Variants in RGS6 observed in about 807,000 individuals in gnomAD.
RGS6 encodes regulator of G protein signaling 6, also known as regulator of G-protein signaling 6.
RGS6 carries 30 observed loss-of-function variants against 78.5 expected under a neutral mutation model. The ratio of observed to expected loss-of-function variants is 0.38; its 90% CI spans 0.29 to 0.52. RGS6 has a LOEUF of 0.52. RGS6 is among the 20% of genes least tolerant of loss of function. RGS6 has a pLI of 0.85. For missense variants in RGS6, 495 were observed against 609.7 expected, an observed-to-expected ratio of 0.81 and a Z score of 1.98; for synonymous variants, 206 against 206.0, an observed-to-expected ratio of 1.00 and a Z score of 0.00.
the RGS6 span, among the ~76,000 whole-genome samples, chr14:71,921,651 G>A: frequency 2.6e-5 from 4 of 152,226 alleles, no homozygotes; most frequent in Non-Finnish European, 5.9e-5. Context: ...TGTGGGATCT[G>A]AAAAAGTCAG....
intron 3 of RGS6, among the ~76,000 whole-genome samples, chr14:72,407,218 G>T (rs1218773650): frequency 1.3e-5 from 2 of 152,176 alleles, no homozygotes; most frequent in Non-Finnish European, 2.9e-5. Context: ...GGGAGGATCT[G>T]CATTCTCTCT....
intron 2 of RGS6, among the ~76,000 whole-genome samples, chr14:71,982,614 A>T (rs2153135129): frequency 6.6e-6 from 1 of 152,120 alleles, no homozygotes; most frequent in South Asian, 2.1e-4. Context: ...CTGACCTCTA[A>T]TTTTTGTCCT....
chr14:72,394,706 A>G (rs1471809364), intron 3 of RGS6, among the ~76,000 whole-genome samples: 2 of 152,088 alleles, frequency 1.3e-5, no homozygotes, highest in South Asian at 2.1e-4. Context: ...CAGATTTCCT[A>G]TTGTTTAAAC....
chr14:71,976,222 C>CT (rs1274389669), intron 2 of RGS6, among the ~76,000 whole-genome samples: 2,553 of 139,222 alleles, frequency 0.018, 75 homozygotes, highest in African/African-American at 0.06. Context: ...TCTTTTTTTT[C>CT]TTTTTTTTTT....
intron 11 of RGS6, among the ~76,000 whole-genome samples, chr14:72,478,040 G>A (rs1334735863): frequency 2.0e-5 from 3 of 152,140 alleles, no homozygotes; most frequent in Non-Finnish European, 4.4e-5. Context: ...TCACACCACA[G>A]TATAGGAGGA....
intron 2 of RGS6, among the ~76,000 whole-genome samples, chr14:72,289,082 A>G (rs2063113930): frequency 6.6e-6 from 1 of 152,204 alleles, no homozygotes; most frequent in African/African-American, 2.4e-5. Flanking sequence ...AAAGGATGAT[A>G]TAGTTTCTGA....
intron 2 of RGS6, among the ~76,000 whole-genome samples, chr14:72,345,638 A>G (rs975201518): frequency 1.1e-4 from 16 of 152,208 alleles, no homozygotes; most frequent in Non-Finnish European, 1.8e-4. Context: ...AGCCTCCAAC[A>G]CAGCCTTAAC....
At chr14:71,920,804 T>G in the RGS6 span, among the ~76,000 whole-genome samples, 1 of 152,232 alleles carries the variant, frequency 6.6e-6, no homozygotes, top group South Asian at 2.1e-4. Flanking sequence ...TGGGCAATGA[T>G]TTTTTAGATA....
chr14:72,594,795 C>T, the RGS6 span: 1 of 152,188 alleles, frequency 6.6e-6, no homozygotes, highest in South Asian at 2.1e-4. Context: ...TAACCAGAGT[C>T]ATCCCGTGCA....
intron 2 of RGS6, among the ~76,000 whole-genome samples, chr14:72,168,384 G>A (rs775554971): frequency 6.6e-6 from 1 of 152,258 alleles, no homozygotes; most frequent in African/African-American, 2.4e-5. Flanking sequence ...CTGATGGCGG[G>A]GAATCCCAGG....
At chr14:72,507,695 G>A (rs898710828) in intron 13 of RGS6, among the ~76,000 whole-genome samples, 1 of 152,206 alleles carries the variant, frequency 6.6e-6, no homozygotes, top group Admixed American at 6.5e-5. Flanking sequence ...CCAGAAAGGG[G>A]TGACACTGGT....
the RGS6 span, among the ~76,000 whole-genome samples, chr14:72,602,131 T>C: frequency 6.6e-6 from 1 of 152,170 alleles, no homozygotes; most frequent in African/African-American, 2.4e-5. Flanking sequence ...TTCCCTCCAT[T>C]AAGAGAAAAG....
At chr14:72,202,817 C>T (rs2041861229) in intron 2 of RGS6, among the ~76,000 whole-genome samples, 1 of 151,860 alleles carries the variant, frequency 6.6e-6, no homozygotes, top group Admixed American at 6.6e-5. Context: ...GCTTGAACAG[C>T]AAGTCTGTCC....
intron 3 of RGS6, among the ~76,000 whole-genome samples, chr14:72,360,677 A>G (rs192481088): frequency 6.6e-6 from 1 of 152,234 alleles, no homozygotes; most frequent in Admixed American, 6.5e-5. Flanking sequence ...CAAAAATGGT[A>G]GAGATTTTGC....
chr14:72,218,840 G>A (rs1356330175), intron 2 of RGS6, among the ~76,000 whole-genome samples: 1 of 151,936 alleles, frequency 6.6e-6, no homozygotes, highest in Non-Finnish European at 1.5e-5. Context: ...TTGATCTCTT[G>A]ACCTCATGAT....
intron 2 of RGS6, among the ~76,000 whole-genome samples, chr14:72,269,246 C>T (rs1359424407): frequency 6.6e-6 from 1 of 152,176 alleles, no homozygotes; most frequent in African/African-American, 2.4e-5. Context: ...AAGTTGATGC[C>T]CAACACACAG....
At chr14:72,048,564 G>C (rs563715087) in intron 2 of RGS6, among the ~76,000 whole-genome samples, 1 of 152,220 alleles carries the variant, frequency 6.6e-6, no homozygotes, top group Non-Finnish European at 1.5e-5. Context: ...CTTTCCATGA[G>C]GTATTTAGAA....
chr14:72,081,786 C>T (rs528883086), intron 2 of RGS6, among the ~76,000 whole-genome samples: 13 of 151,916 alleles, frequency 8.6e-5, no homozygotes, highest in South Asian at 4.2e-4. Flanking sequence ...AACTGAAAAC[C>T]GAAGTTTTAA....
chr14:72,214,477 A>C (rs1032614095), intron 2 of RGS6, among the ~76,000 whole-genome samples: 1 of 152,248 alleles, frequency 6.6e-6, no homozygotes, highest in African/African-American at 2.4e-5. Context: ...ACAAGAATCA[A>C]ATAATGAAGC....
Sources: allele counts gnomAD v4.1 joint callset (sites outside exome capture counted in the v4.1 genomes callset), GRCh38; gene constraint gnomAD v4.1.1; transcripts MANE v1.5; gene names NCBI Gene and HGNC (gene_info 2026-07-23, HGNC 2026-07-21).